The following CPNE8 variants were observed in gnomAD, a reference collection of about 807,000 sequenced individuals.
CPNE8 encodes the protein copine-8.
In CPNE8, 45 loss-of-function variants were observed where a neutral mutation model predicts 81.5. The observed-to-expected ratio is 0.55, with a 90% confidence interval of 0.44 to 0.71. The LOEUF is 0.71. CPNE8 is among the 30% of genes least tolerant of loss of function. The pLI, the probability that CPNE8 is intolerant of heterozygous loss-of-function variation, is 0.00. For synonymous variants in CPNE8, 252 were observed against 226.3 expected, an observed-to-expected ratio of 1.11 and a Z score of -1.02; for missense variants, 594 against 672.1, an observed-to-expected ratio of 0.88 and a Z score of 1.28.
chr12:38,787,529 T>G (rs2136920223), intron 6 of CPNE8, among the ~76,000 whole-genome samples: 1 of 134,786 alleles, frequency 7.4e-6, no homozygotes, highest in African/African-American at 2.8e-5. Context: ...AATCTAACAA[T>G]GCATCTTAAA....
intron 10 of CPNE8, 105 bp from the exon 11 acceptor site, chr12:38,730,463 AT>A (rs1267275565): frequency 3.7e-6 from 2 of 537,112 alleles, no homozygotes; most frequent in African/African-American, 3.9e-5. Flanking sequence ...AATGCTTGAT[AT>A]TATTATGAAT....
At chr12:38,904,944 A>C (rs900782688) in intron 1 of CPNE8, among the ~76,000 whole-genome samples, 2 of 152,138 alleles carry the variant, frequency 1.3e-5, no homozygotes, top group Non-Finnish European at 2.9e-5. Flanking sequence ...GGGAGAAGCA[A>C]GCTGGAAGGC....
At chr12:38,868,918 C>T (rs975767159) in intron 3 of CPNE8, among the ~76,000 whole-genome samples, 2 of 152,114 alleles carry the variant, frequency 1.3e-5, no homozygotes, top group Non-Finnish European at 2.9e-5. Context: ...ACAGCCTTGG[C>T]TTTCCAATGG....
At chr12:38,758,717 T>C (rs1941515409) in intron 10 of CPNE8, among the ~76,000 whole-genome samples, 1 of 152,168 alleles carries the variant, frequency 6.6e-6, no homozygotes, top group African/African-American at 2.4e-5. Context: ...GAATACCTGG[T>C]ATGTTAGAAA....
At chr12:38,699,302 T>A (rs1939875034) in intron 14 of CPNE8, among the ~76,000 whole-genome samples, 1 of 152,218 alleles carries the variant, frequency 6.6e-6, no homozygotes, top group Non-Finnish European at 1.5e-5. Context: ...AAGATTTCCA[T>A]AAAGAAGTTG....
intron 3 of CPNE8, among the ~76,000 whole-genome samples, chr12:38,856,340 C>A (rs944078782): frequency 7.2e-5 from 11 of 152,022 alleles, no homozygotes; most frequent in Admixed American, 5.9e-4. Flanking sequence ...AAAGAAACAC[C>A]TTTCAGACTC....
chr12:38,762,039 T>C, intron 9 of CPNE8, 73 bp downstream of exon 9: 2 of 678,520 alleles, frequency 2.9e-6, no homozygotes. Flanking sequence ...AGCCAACTTA[T>C]CCCACTTCCT....
At chr12:38,722,026 C>A in intron 13 of CPNE8, among the ~76,000 whole-genome samples, 1 of 152,168 alleles carries the variant, frequency 6.6e-6, no homozygotes, top group Admixed American at 6.5e-5. Context: ...GAGAAAAGTG[C>A]AGCCTGCTAG....
chr12:38,830,010 C>G (rs552101939), intron 5 of CPNE8, among the ~76,000 whole-genome samples: 1 of 152,296 alleles, frequency 6.6e-6, no homozygotes, highest in South Asian at 2.1e-4. Flanking sequence ...TACCTCCTCA[C>G]AAAATTGTTC....
chr12:38,735,485 G>A (rs1370618937), intron 10 of CPNE8, among the ~76,000 whole-genome samples: 2 of 151,902 alleles, frequency 1.3e-5, no homozygotes, highest in Admixed American at 6.6e-5. Context: ...CATCTTCATA[G>A]GTCCAGATAA....
chr12:38,661,684 C>CT (rs1938956632), intron 19 of CPNE8, among the ~76,000 whole-genome samples: 1 of 151,994 alleles, frequency 6.6e-6, no homozygotes, highest in Non-Finnish European at 1.5e-5. Context: ...ATACCAAAAC[C>CT]AGACAAGGAC....
At chr12:38,854,419 A>G (rs1339832577) in intron 3 of CPNE8, among the ~76,000 whole-genome samples, 1 of 114,220 alleles carries the variant, frequency 8.8e-6, no homozygotes, top group African/African-American at 4.8e-5. Context: ...GTCCCTCTAG[A>G]GAACCCTGAC....
At chr12:38,682,987 C>A (rs1006278946) in intron 16 of CPNE8, among the ~76,000 whole-genome samples, 1 of 151,936 alleles carries the variant, frequency 6.6e-6, no homozygotes, top group Non-Finnish European at 1.5e-5. Context: ...AAAAGGAGGA[C>A]TGGAAAGGCA....
chr12:38,798,768 C>T (rs944011723), intron 6 of CPNE8, among the ~76,000 whole-genome samples: 1 of 152,070 alleles, frequency 6.6e-6, no homozygotes, highest in Non-Finnish European at 1.5e-5. Flanking sequence ...TGGATAAAGA[C>T]TCAAGATCCA....
chr12:38,802,684 CA>C (rs1439905421), intron 6 of CPNE8, among the ~76,000 whole-genome samples: 1 of 151,776 alleles, frequency 6.6e-6, no homozygotes, highest in African/African-American at 2.4e-5. Flanking sequence ...GAAATAGAGA[CA>C]AAAAACCCTT....
At chr12:38,841,873 A>G (rs1943472558) in intron 4 of CPNE8, among the ~76,000 whole-genome samples, 1 of 152,162 alleles carries the variant, frequency 6.6e-6, no homozygotes, top group African/African-American at 2.4e-5. Flanking sequence ...AAGCAGAAAG[A>G]TGAAGGATTA....
chr12:38,705,328 T>C (rs1430742508), intron 13 of CPNE8, among the ~76,000 whole-genome samples: 3 of 152,144 alleles, frequency 2.0e-5, no homozygotes, highest in African/African-American at 7.2e-5. Context: ...CATTTCCTTC[T>C]TTCTCCAAAT....
At chr12:38,718,201 G>A (rs1318995454) in intron 13 of CPNE8, among the ~76,000 whole-genome samples, 1 of 152,090 alleles carries the variant, frequency 6.6e-6, no homozygotes, top group Non-Finnish European at 1.5e-5. Flanking sequence ...GGCCAGATGG[G>A]CTAACTTAAG....
intron 5 of CPNE8, 78 bp downstream of exon 5, chr12:38,839,838 A>G (rs749970170): frequency 5.5e-6 from 7 of 1,265,404 alleles, no homozygotes; most frequent in Non-Finnish European, 6.4e-6. Flanking sequence ...ATAGATGTAT[A>G]ACTTTAATAT....
Sources: gnomAD v4.1 joint callset for allele counts (sites outside exome capture counted in the v4.1 genomes callset) on GRCh38, gnomAD v4.1.1 for gene constraint, MANE v1.5 for transcripts, NCBI Gene and HGNC (gene_info 2026-07-23, HGNC 2026-07-21) for gene names.